Variants in SP140 observed in about 807,000 individuals in gnomAD.
SP140 encodes the protein SP140 nuclear body protein.
A neutral mutation model predicts 125.0 loss-of-function variants in SP140; 81 were observed. That is an observed-to-expected ratio of 0.65 (90% CI 0.54 to 0.78). The LOEUF (loss-of-function observed/expected upper bound fraction) is 0.78. Ranked by LOEUF, SP140 falls within the 30% of genes least tolerant of loss-of-function variation. The pLI is 0.00. For synonymous variants in SP140, 312 were observed against 354.0 expected, an observed-to-expected ratio of 0.88 and a Z score of 1.33; for missense variants, 858 against 1,037.0, an observed-to-expected ratio of 0.83 and a Z score of 2.37.
intron 1 of SP140, among the ~76,000 whole-genome samples, chr2:230,236,803 A>G (rs1417737664): frequency 6.6e-6 from 1 of 152,218 alleles, no homozygotes; most frequent in African/African-American, 2.4e-5. Flanking sequence ...TATTTTCCCT[A>G]GAGAGTTCAG....
chr2:230,210,111 C>A, intron 1 of SP140: 1 of 795,838 alleles, frequency 1.3e-6, no homozygotes, highest in Admixed American at 1.7e-5. Context: ...TACATGCAGC[C>A]CAGGGCCGGG....
chr2:230,270,667 T>C, intron 15 of SP140, 28 bp downstream of exon 15: 1 of 1,570,018 alleles, frequency 6.4e-7, no homozygotes, highest in South Asian at 1.1e-5. Context: ...TTTATTTGCT[T>C]TTGGTATTAC....
At chr2:230,193,878 TGGGAGCAAAG>T in the SP140 span, among the ~76,000 whole-genome samples, 3 of 152,238 alleles carry the variant, frequency 2.0e-5, no homozygotes, top group East Asian at 3.8e-4. Context: ...CAGTATTTGT[TGGGAGCAAAG>T]AGGAATTTAT....
chr2:230,202,677 T>C, upstream of SP140: 1 of 1,614,154 alleles, frequency 6.2e-7, no homozygotes, highest in Non-Finnish European at 8.5e-7. Flanking sequence ...TTGAGGAACC[T>C]GATCCACCCT....
chr2:230,239,010 TG>T, intron 3 of SP140: 1 of 1,437,946 alleles, frequency 7.0e-7, no homozygotes, highest in Non-Finnish European at 9.1e-7. Context: ...CTTGACACCC[TG>T]TGCTAAGGAA....
the SP140 span, among the ~76,000 whole-genome samples, chr2:230,187,605 T>C: frequency 7.5e-3 from 1,146 of 152,288 alleles, 10 homozygotes; most frequent in African/African-American, 0.026. Context: ...GGTTTTCTTA[T>C]AGAATTTTTC....
At chr2:230,186,427 C>T in the SP140 span, among the ~76,000 whole-genome samples, 2 of 152,140 alleles carry the variant, frequency 1.3e-5, no homozygotes, top group Non-Finnish European at 2.9e-5. Flanking sequence ...AGATACCTGG[C>T]CCACACCTTA....
chr2:230,306,803 T>G (rs1027102994), intron 22 of SP140, among the ~76,000 whole-genome samples: 2 of 152,178 alleles, frequency 1.3e-5, no homozygotes, highest in Admixed American at 1.3e-4. Context: ...CAGGTGCCCC[T>G]TTGGGCAAGG....
At chr2:230,269,362 G>A (rs1199371960) in intron 12 of SP140, among the ~76,000 whole-genome samples, 170 bp from the exon 13 acceptor site, 1 of 145,654 alleles carries the variant, frequency 6.9e-6, no homozygotes, top group African/African-American at 2.5e-5. Flanking sequence ...AACATGGGGA[G>A]AGCGTGGCTC....
chr2:230,277,563 A>C (rs1292646016), intron 15 of SP140, among the ~76,000 whole-genome samples: 2 of 152,126 alleles, frequency 1.3e-5, no homozygotes, highest in Non-Finnish European at 2.9e-5. Flanking sequence ...TCTTTATCCC[A>C]AAGAAGCTTG....
At chr2:230,207,489 G>A (rs1438574478) in intron 1 of SP140, among the ~76,000 whole-genome samples, 1 of 152,106 alleles carries the variant, frequency 6.6e-6, no homozygotes, top group Non-Finnish European at 1.5e-5. Flanking sequence ...TCTATACACA[G>A]CTGCATAGAT....
chr2:230,268,122 A>G (rs773433382), intron 12 of SP140, among the ~76,000 whole-genome samples: 1 of 152,178 alleles, frequency 6.6e-6, no homozygotes, highest in Non-Finnish European at 1.5e-5. Context: ...GGGTTTTGCT[A>G]TGTTGCCCAG....
At chr2:230,278,881 A>G (rs927011762) in intron 15 of SP140, among the ~76,000 whole-genome samples, 55 of 152,176 alleles carry the variant, frequency 3.6e-4, no homozygotes, top group Non-Finnish European at 1.5e-4. Context: ...AGGCATCCAA[A>G]TTGGAAAGAA....
intron 22 of SP140, 74 bp downstream of exon 22, chr2:230,297,536 C>A: frequency 1.3e-6 from 2 of 1,523,288 alleles, no homozygotes; most frequent in East Asian, 2.3e-5. Flanking sequence ...TGTGTCATGA[C>A]TGCTGTTGCC....
At chr2:230,205,333 A>C (rs945221809) in intron 1 of SP140, among the ~76,000 whole-genome samples, 4 of 152,116 alleles carry the variant, frequency 2.6e-5, no homozygotes. Context: ...CATCATCACC[A>C]ACAACACTGG....
At chr2:230,241,543 A>C (rs769199399) in intron 4 of SP140, 56 bp downstream of exon 4, 37 of 1,002,192 alleles carry the variant, frequency 3.7e-5, no homozygotes, top group Non-Finnish European at 5.7e-5. Flanking sequence ...CCTTGCCTTC[A>C]TGGAGGCAAA....
intron 1 of SP140, chr2:230,230,367 C>T (rs1341704606): frequency 1.3e-5 from 2 of 152,176 alleles, no homozygotes; most frequent in Non-Finnish European, 2.9e-5. Flanking sequence ...ATACCTCAAA[C>T]CCCAGTCTTA....
At chr2:230,306,384 G>T (rs374878000) in intron 22 of SP140, among the ~76,000 whole-genome samples, 1 of 152,248 alleles carries the variant, frequency 6.6e-6, no homozygotes, top group Non-Finnish European at 1.5e-5. Flanking sequence ...AGGAGACACA[G>T]AGAGGGGGCA....
At position 230,297,416 on chromosome 2, in the gene SP140, A is replaced by G; in HGVS notation, c.2017-5A>G. The stretch of plus-strand genomic sequence containing the variant: ...CATAAATCAATCTTTCTGTTTTTTC[A>G]ACAGAGAATACTGAAGTCTCAAAAC... On this transcript the variant is annotated splice_polypyrimidine_tract_variant and splice_region_variant and intron_variant, in intron 21 of 26. Transcript: ENST00000392045. 6.2e-7 allele frequency: 1 copy of G among 1,613,456 alleles called. No homozygotes were observed. Among genetic ancestry groups the G allele is most frequent in the Non-Finnish European group, 8.5e-7 (1 of 1,179,570 alleles).
Sources: allele counts gnomAD v4.1 joint callset (sites outside exome capture counted in the v4.1 genomes callset), GRCh38; gene constraint gnomAD v4.1.1; transcripts MANE v1.5; gene names NCBI Gene and HGNC (gene_info 2026-07-23, HGNC 2026-07-21).